FAM81A: variants seen among roughly 807,000 people sequenced by gnomAD.
FAM81A encodes family with sequence similarity 81 member A.
Under a neutral mutation model 46.7 loss-of-function variants are expected in FAM81A, and 19 were observed. The observed-to-expected ratio is 0.41, with a 90% CI of 0.28 to 0.60. The LOEUF is 0.60. Ranked by LOEUF, FAM81A falls within the 20% of genes least tolerant of loss-of-function variation. The pLI is 0.34. For missense variants in FAM81A, 377 were observed against 453.5 expected, an observed-to-expected ratio of 0.83 and a Z score of 1.53; for synonymous variants, 183 against 152.9, an observed-to-expected ratio of 1.20 and a Z score of -1.45.
In FAM81A at chr15:59,465,170, A is replaced by G. The variant is rs545970523; in HGVS notation, c.294+4964A>G. ...GTTCTCTTTTCTGTTCCATTGTTCT[A>G]TGTGTCTATTTTTATGCCAGTACCA... On this transcript the variant is annotated intron_variant, in intron 3 of 8. Coordinates refer to ENST00000288228, the MANE Select transcript of FAM81A (RefSeq NM_152450.3). 7.2e-5 allele frequency among the ~76,000 whole-genome samples: 11 copies of G among 152,194 alleles called. No homozygotes were observed. In the South Asian group the frequency reaches 8.3e-4, roughly 11 times the overall value.
chr15:59,398,262 GT>G (rs1330498516), intron 1 of FAM81A, among the ~76,000 whole-genome samples: 1 of 152,106 alleles, frequency 6.6e-6, no homozygotes, highest in Non-Finnish European at 1.5e-5. Context: ...TTTCACTCAG[GT>G]AAGTAATTGG....
At chr15:59,418,571 G>C (rs1462892746) in intron 2 of FAM81A, among the ~76,000 whole-genome samples, 1 of 152,204 alleles carries the variant, frequency 6.6e-6, no homozygotes, top group African/African-American at 2.4e-5. Flanking sequence ...GCAATGTTCA[G>C]TTTAGTTCAT....
At chr15:59,508,786 A>C in intron 5 of FAM81A, 77 bp from the exon 6 acceptor site, 1 of 1,008,542 alleles carries the variant, frequency 9.9e-7, no homozygotes, top group East Asian at 2.5e-5. Flanking sequence ...TGACTACAAT[A>C]TGGCTTACTA....
chr15:59,511,923 A>T (rs1399419830), intron 6 of FAM81A, among the ~76,000 whole-genome samples: 2 of 152,164 alleles, frequency 1.3e-5, no homozygotes, highest in African/African-American at 4.8e-5. Context: ...TGCTGGGATT[A>T]CAGGCGTAAG....
intron 2 of FAM81A, among the ~76,000 whole-genome samples, chr15:59,414,895 A>G (rs1165231987): frequency 2.0e-5 from 3 of 151,862 alleles, no homozygotes; most frequent in Non-Finnish European, 4.4e-5. Context: ...AGCTCACTGC[A>G]AGCTCCGCCT....
At chr15:59,482,306 T>C (rs1377237641) in intron 3 of FAM81A, among the ~76,000 whole-genome samples, 1 of 152,240 alleles carries the variant, frequency 6.6e-6, no homozygotes, top group Non-Finnish European at 1.5e-5. Context: ...TTTGCTCTTG[T>C]CATCCAGGCT....
At chr15:59,408,322 A>G (rs1358234415) in intron 2 of FAM81A, among the ~76,000 whole-genome samples, 6 of 151,984 alleles carry the variant, frequency 3.9e-5, no homozygotes, top group Non-Finnish European at 8.8e-5. Flanking sequence ...TTGTTGTTTT[A>G]CTTCTTAAAA....
chr15:59,458,568 A>G lies in FAM81A; in HGVS notation c.-59A>G, dbSNP rs1309068938. 3.1e-6 allele frequency: 5 copies of G among 1,612,592 alleles called. No individual in the cohort carries two copies. In the South Asian group the frequency reaches 5.5e-5, roughly 18 times the overall value. ...TCAACAGATGTGAATTATTAAAAAG[A>G]AAATGGCCCAACGGAGCACTGTATT... On this transcript the variant is annotated 5_prime_UTR_variant, in exon 2 of 9. Coordinates refer to ENST00000288228, the MANE Select transcript of FAM81A (RefSeq NM_152450.3).
intron 3 of FAM81A, among the ~76,000 whole-genome samples, chr15:59,482,703 C>A (rs1225289279): frequency 1.3e-5 from 2 of 152,208 alleles, no homozygotes; most frequent in African/African-American, 4.8e-5. Flanking sequence ...TATTTGAGAA[C>A]CACTGGTCTT....
At chr15:59,482,280 T>G (rs1474201058) in intron 3 of FAM81A, among the ~76,000 whole-genome samples, 1 of 152,184 alleles carries the variant, frequency 6.6e-6, no homozygotes, top group Non-Finnish European at 1.5e-5. Context: ...TTTTGTTTTG[T>G]TTTTTGAGAT....
intron 1 of FAM81A, among the ~76,000 whole-genome samples, chr15:59,399,168 CAAAACA>C (rs1336141065): frequency 6.6e-6 from 1 of 151,822 alleles, no homozygotes; most frequent in Non-Finnish European, 1.5e-5. Context: ...GACTCCATCT[CAAAACA>C]AAAACAAAAA....
intron 2 of FAM81A, among the ~76,000 whole-genome samples, chr15:59,409,213 C>G (rs1200364841): frequency 6.6e-6 from 1 of 152,058 alleles, no homozygotes; most frequent in African/African-American, 2.4e-5. Context: ...TGTTTCTACT[C>G]CAGGTCTGGG....
At chr15:59,506,249 G>T (rs2082147749) in intron 4 of FAM81A, among the ~76,000 whole-genome samples, 2 of 152,100 alleles carry the variant, frequency 1.3e-5, no homozygotes, top group East Asian at 1.9e-4. Flanking sequence ...CTGGGCTCAA[G>T]CAATTCTCCT....
intron 4 of FAM81A, among the ~76,000 whole-genome samples, chr15:59,496,378 G>A (rs1038353820): frequency 7.2e-5 from 11 of 152,160 alleles, no homozygotes; most frequent in South Asian, 2.1e-4. Context: ...AGGCCGAGGC[G>A]GGCAGATCAG....
intron 2 of FAM81A, among the ~76,000 whole-genome samples, chr15:59,427,026 A>G (rs1365950318): frequency 1.3e-5 from 2 of 152,236 alleles, no homozygotes; most frequent in South Asian, 2.1e-4. Context: ...GATCAAACAT[A>G]TCAGACAATC....
At chr15:59,458,762 C>T (rs902921344) in intron 2 of FAM81A, 116 bp downstream of exon 2, 123 of 915,854 alleles carry the variant, frequency 1.3e-4, no homozygotes, top group Admixed American at 4.2e-4. Flanking sequence ...GCAAGAGAAA[C>T]ACTATTGTGT....
chr15:59,418,560 T>G (rs1044994577), intron 2 of FAM81A, among the ~76,000 whole-genome samples: 13 of 152,180 alleles, frequency 8.5e-5, no homozygotes, highest in African/African-American at 2.7e-4. Context: ...CCAAGCTTGG[T>G]GCAATGTTCA....
At chr15:59,451,453 ATTT>A (rs11287400) in intron 1 of FAM81A, among the ~76,000 whole-genome samples, 3 of 139,608 alleles carry the variant, frequency 2.1e-5, no homozygotes, top group African/African-American at 5.3e-5. Context: ...AACACCAATA[ATTT>A]TTTTTTTTTT....
chr15:59,492,595 T>C (rs2081992990), intron 4 of FAM81A, among the ~76,000 whole-genome samples: 2 of 152,138 alleles, frequency 1.3e-5, no homozygotes, highest in South Asian at 4.1e-4. Context: ...ACGCAATTGG[T>C]GTTGTCTTCC....
Sources: gnomAD v4.1 joint callset for allele counts (sites outside exome capture counted in the v4.1 genomes callset) on GRCh38, gnomAD v4.1.1 for gene constraint, MANE v1.5 for transcripts, NCBI Gene and HGNC (gene_info 2026-07-23, HGNC 2026-07-21) for gene names.